The following SLC2A13 variants were observed in gnomAD, a reference collection of about 807,000 sequenced individuals.
The protein encoded by SLC2A13 is proton myo-inositol cotransporter.
A neutral mutation model predicts 64.4 loss-of-function variants in SLC2A13; 32 were observed. The observed-to-expected ratio is 0.50, with a 90% CI of 0.37 to 0.67. The LOEUF (loss-of-function observed/expected upper bound fraction) is 0.67. Among genes scored for constraint, SLC2A13 ranks in the 30% least tolerant of loss-of-function variants. The pLI, the probability that SLC2A13 is intolerant of heterozygous loss-of-function variation, is 0.00. For missense variants in SLC2A13, 743 were observed against 829.2 expected, an observed-to-expected ratio of 0.90 and a Z score of 1.28; for synonymous variants, 338 against 327.1, an observed-to-expected ratio of 1.03 and a Z score of -0.36.
chr12:39,847,670 A>G (rs768997950), intron 6 of SLC2A13, among the ~76,000 whole-genome samples: 2 of 151,712 alleles, frequency 1.3e-5, no homozygotes, highest in Non-Finnish European at 2.9e-5. Flanking sequence ...TTGGTCCCCA[A>G]CTCCTTACCC....
intron 7 of SLC2A13, among the ~76,000 whole-genome samples, chr12:39,785,566 C>A (rs1941156890): frequency 6.6e-6 from 1 of 152,178 alleles, no homozygotes; most frequent in African/African-American, 2.4e-5. Context: ...CCTACTGGGG[C>A]ACTGCCTGGT....
At chr12:40,094,369 G>A (rs574577107) in intron 1 of SLC2A13, among the ~76,000 whole-genome samples, 1 of 152,296 alleles carries the variant, frequency 6.6e-6, no homozygotes, top group Admixed American at 6.5e-5. Flanking sequence ...GTAGAGAAGA[G>A]GAGAGCTCTG....
At chr12:39,985,046 C>T (rs1947003747) in intron 3 of SLC2A13, among the ~76,000 whole-genome samples, 1 of 152,128 alleles carries the variant, frequency 6.6e-6, no homozygotes, top group Non-Finnish European at 1.5e-5. Flanking sequence ...TTAAGTTACT[C>T]ACACATATGG....
At chr12:39,892,535 T>C (rs1944640525) in intron 4 of SLC2A13, among the ~76,000 whole-genome samples, 1 of 152,224 alleles carries the variant, frequency 6.6e-6, no homozygotes, top group Admixed American at 6.5e-5. Context: ...TAAACTACTG[T>C]AATCTTAATT....
intron 1 of SLC2A13, among the ~76,000 whole-genome samples, chr12:40,078,756 T>C (rs1031883230): frequency 6.6e-6 from 1 of 152,222 alleles, no homozygotes; most frequent in Non-Finnish European, 1.5e-5. Flanking sequence ...TAAATCCCTC[T>C]GGTCCAGGGC....
chr12:40,092,771 G>C (rs1423111389), intron 1 of SLC2A13, among the ~76,000 whole-genome samples: 1 of 152,162 alleles, frequency 6.6e-6, no homozygotes, highest in Non-Finnish European at 1.5e-5. Flanking sequence ...TTGAAAACTT[G>C]AGTCATCAGA....
chr12:39,978,720 C>T (rs1405177330), intron 3 of SLC2A13, among the ~76,000 whole-genome samples: 18 of 152,180 alleles, frequency 1.2e-4, no homozygotes, highest in Admixed American at 1.2e-3. Context: ...TGAGATCAAA[C>T]TGCAAGGCGG....
rs558221120 is a variant in SLC2A13, at chr12:39,985,319, T to A, written c.926-33954A>T. The stretch of plus-strand genomic sequence containing the variant: ...ATGCCTATATCTGCCTGTTTCTCTT[T>A]CCTAAAATTACCAAGTTAGCCATTA... On this transcript the variant is annotated intron_variant, in intron 3 of 9. Coordinates refer to ENST00000280871, the MANE Select transcript of SLC2A13 (RefSeq NM_052885.4). Among the ~76,000 whole-genome samples, 4 of 152,292 alleles carry A rather than the reference T, an allele frequency of 2.6e-5. No individual in the cohort carries two copies. The South Asian group carries it at 8.3e-4, about 32-fold the overall frequency.
At chr12:39,852,791 T>A (rs887456642) in intron 6 of SLC2A13, among the ~76,000 whole-genome samples, 4 of 152,202 alleles carry the variant, frequency 2.6e-5, no homozygotes, top group Non-Finnish European at 4.4e-5. Flanking sequence ...CCAATCAGAT[T>A]GGTTGTGACC....
rs1230663802 is a variant in SLC2A13, at chr12:39,896,324, A to ATG, written c.1035-24365_1035-24364dup. On this transcript the variant is annotated intron_variant, in intron 4 of 9. Coordinates refer to ENST00000280871, the MANE Select transcript of SLC2A13 (RefSeq NM_052885.4). ...TATATGTATACATATATGTATGTAT[A>ATG]TGTGTATATATGTATACATATATGT... Among the ~76,000 whole-genome samples, 253 of 128,826 alleles carry ATG rather than the reference A, an allele frequency of 2.0e-3. 11 individuals carry two copies. The highest frequency in any genetic ancestry group is 7.0e-3 in the African/African-American group (235 of 33,714). 84.5% of individuals were successfully genotyped at this position (128,826 alleles called of 152,430 possible). A position where few individuals can be genotyped will look rare whatever the true frequency, so the allele number is the denominator to read the frequency against.
At chr12:39,771,850 A>T (rs1272688727) in intron 7 of SLC2A13, among the ~76,000 whole-genome samples, 3 of 152,122 alleles carry the variant, frequency 2.0e-5, no homozygotes. Flanking sequence ...GTACTCCTGT[A>T]CACAATCCTT....
chr12:39,879,274 A>G (rs1341876017), intron 4 of SLC2A13, among the ~76,000 whole-genome samples: 1 of 152,224 alleles, frequency 6.6e-6, no homozygotes, highest in African/African-American at 2.4e-5. Flanking sequence ...TTGAGCCCTC[A>G]GACAGAGTCC....
chr12:39,991,254 A>C (rs1947133874), intron 3 of SLC2A13, among the ~76,000 whole-genome samples: 1 of 152,126 alleles, frequency 6.6e-6, no homozygotes, highest in Non-Finnish European at 1.5e-5. Context: ...TTGCTTTAAA[A>C]CTTCAATCTT....
chr12:39,852,539 A>C (rs1345442037), intron 6 of SLC2A13, among the ~76,000 whole-genome samples: 1 of 152,200 alleles, frequency 6.6e-6, no homozygotes, highest in Non-Finnish European at 1.5e-5. Context: ...TGCTAGTACC[A>C]ATCATTTTTT....
Position 40,092,710 on chromosome 12 carries a change from G to A in SLC2A13, c.556+12543C>T, listed in dbSNP as rs1376914049. 1.2e-3 allele frequency among the ~76,000 whole-genome samples: 188 copies of A among 152,288 alleles called. 2 individuals are homozygous for A. Among genetic ancestry groups the A allele is most frequent in the Non-Finnish European group, 1.9e-4 (13 of 68,020 alleles). ...TTGGCTGCTAAGAAGAGAATAAGAG[G>A]AGATTTCAACTTCCGTATCTCCATT... On this transcript the variant is annotated intron_variant, in intron 1 of 9. Transcript: ENST00000280871.
At chr12:40,041,066 C>T (rs1250841091) in intron 2 of SLC2A13, among the ~76,000 whole-genome samples, 2 of 152,110 alleles carry the variant, frequency 1.3e-5, no homozygotes. Context: ...CAATTCTTTG[C>T]CTCAGCCTCC....
intron 2 of SLC2A13, among the ~76,000 whole-genome samples, chr12:40,034,770 AGGGTTAGC>A (rs1439767560): frequency 1.3e-5 from 2 of 152,204 alleles, no homozygotes; most frequent in African/African-American, 4.8e-5. Context: ...GAAAATAAAA[AGGGTTAGC>A]AATTAGAATC....
intron 7 of SLC2A13, among the ~76,000 whole-genome samples, chr12:39,806,814 T>C (rs1353896460): frequency 1.2e-4 from 19 of 152,120 alleles, no homozygotes. Flanking sequence ...GGAGTTAAAA[T>C]TGGAAACAAC....
chr12:39,917,279 G>C (rs1398114752), intron 4 of SLC2A13, among the ~76,000 whole-genome samples: 1 of 151,994 alleles, frequency 6.6e-6, no homozygotes, highest in Admixed American at 6.6e-5. Context: ...ACAGGGAAAG[G>C]AACAACATTT....
Sources: gnomAD v4.1 joint callset for allele counts (sites outside exome capture counted in the v4.1 genomes callset) on GRCh38, gnomAD v4.1.1 for gene constraint, MANE v1.5 for transcripts, NCBI Gene and HGNC (gene_info 2026-07-23, HGNC 2026-07-21) for gene names.